The following GNAS-AS1 variants were observed in gnomAD, a reference collection of about 807,000 sequenced individuals.
The protein encoded by GNAS-AS1 is GNAS antisense RNA 1, also known as GNAS antisense RNA 1 (non-protein coding).
intron 2 of GNAS-AS1, chr20:58,843,209 C>G (rs1012961804): frequency 7.9e-6 from 1 of 126,926 alleles, no homozygotes; most frequent in Non-Finnish European, 1.6e-5. Flanking sequence ...CCGCTCAATT[C>G]TCCTCCCCCG....
intron 2 of GNAS-AS1, among the ~76,000 whole-genome samples, chr20:58,843,165 C>T (rs2145487502): frequency 6.6e-6 from 1 of 152,000 alleles, no homozygotes; most frequent in Admixed American, 6.5e-5. Context: ...TGTTACCTAC[C>T]GGCACACACT....
At chr20:58,842,257 C>T in intron 3 of GNAS-AS1, 1 of 398,336 alleles carries the variant, frequency 2.5e-6, no homozygotes, top group Non-Finnish European at 4.4e-6. Flanking sequence ...TTTAAAAAAT[C>T]TCATCCGACT....
intron 4 of GNAS-AS1, chr20:58,826,082 T>C: frequency 5.0e-6 from 2 of 398,670 alleles, no homozygotes; most frequent in Non-Finnish European, 4.4e-6. Context: ...TTCATGCAGA[T>C]AGTTCACCCA....
chr20:58,843,218 C>CA (rs2085811155), intron 2 of GNAS-AS1: 1 of 150,274 alleles, frequency 6.7e-6, no homozygotes, highest in African/African-American at 2.5e-5. Context: ...TCTCCTCCCC[C>CA]GCTCAATTCC....
At chr20:58,826,863 C>CTTTTTTTTTGTTTT (rs2085524157) in intron 4 of GNAS-AS1, 1 of 85,756 alleles carries the variant, frequency 1.2e-5, no homozygotes, top group Non-Finnish European at 2.2e-5. Flanking sequence ...CCATGCCTGG[C>CTTTTTTTTTGTTTT]TTTTTTTTTT....
In GNAS-AS1 at chr20:58,846,613, T is replaced by C. The variant is rs2085948812; in HGVS notation, n.413+2266A>G. On this transcript the variant is annotated intron_variant and non_coding_transcript_variant, in intron 2 of 4. Transcript: ENST00000424094. The stretch of plus-strand genomic sequence containing the variant: ...AGGTTGGTCTTCAAGGTCCCCACTC[T>C]CAAACTTGAGGGGTCCAAGGGGCAC... Among the ~76,000 whole-genome samples, 3 of 152,314 alleles carry C rather than the reference T, an allele frequency of 2.0e-5. No homozygotes were observed. In the South Asian group the frequency reaches 6.2e-4, roughly 32 times the overall value.
Position 58,840,671 on chromosome 20 carries a change from AG to A in GNAS-AS1, n.819+1265del. The A allele has an allele frequency of 1.2e-6, 2 of 1,604,794 alleles. No homozygotes were observed. Among genetic ancestry groups the A allele is most frequent in the Non-Finnish European group, 1.7e-6 (2 of 1,179,316 alleles). ...CAGCACTCAGGAGCCCCAGAGCCCC[AG>A]GGAAGGGGAGGAGCTCAAGCCCGAG... On this transcript the variant is annotated intron_variant and non_coding_transcript_variant, in intron 4 of 4. Transcript: ENST00000424094. The surrounding 1 kb of genome is among the most constrained non-coding windows in gnomAD (Gnocchi z 6.0).
intron 4 of GNAS-AS1, among the ~76,000 whole-genome samples, chr20:58,837,954 C>A (rs1397017274): frequency 6.6e-6 from 1 of 152,204 alleles, no homozygotes; most frequent in Non-Finnish European, 1.5e-5. Flanking sequence ...GGGTACCTGA[C>A]TGACTCTTCA....
At chr20:58,846,045 T>G (rs1197558737) in intron 2 of GNAS-AS1, among the ~76,000 whole-genome samples, 1 of 151,988 alleles carries the variant, frequency 6.6e-6, no homozygotes, top group Non-Finnish European at 1.5e-5. Flanking sequence ...AGAGGGTAAG[T>G]GGTGACAGTA....
chr20:58,831,614 G>A (rs755965004), intron 4 of GNAS-AS1, among the ~76,000 whole-genome samples: 1 of 152,040 alleles, frequency 6.6e-6, no homozygotes, highest in Non-Finnish European at 1.5e-5. Flanking sequence ...CTGGGCGATA[G>A]AGCGAGACTC....
chr20:58,838,398 C>T (rs749428899), intron 4 of GNAS-AS1, among the ~76,000 whole-genome samples: 3 of 152,286 alleles, frequency 2.0e-5, no homozygotes, highest in Non-Finnish European at 1.5e-5. Flanking sequence ...TAGCCCTGAT[C>T]CAATCATTTT....
chr20:58,837,249 G>C (rs2085609698), intron 4 of GNAS-AS1, among the ~76,000 whole-genome samples: 1 of 152,156 alleles, frequency 6.6e-6, no homozygotes, highest in South Asian at 2.1e-4. Context: ...GTGCTAATTA[G>C]AAGAAATAAA....
At chr20:58,842,957 C>G (rs979308409) in intron 2 of GNAS-AS1, among the ~76,000 whole-genome samples, 1 of 152,120 alleles carries the variant, frequency 6.6e-6, no homozygotes, top group Non-Finnish European at 1.5e-5. Context: ...TTTAAAAGCC[C>G]TCCGTGTCGA....
intron 4 of GNAS-AS1, among the ~76,000 whole-genome samples, chr20:58,823,152 T>G (rs1421534156): frequency 6.6e-6 from 1 of 152,150 alleles, no homozygotes; most frequent in Admixed American, 6.6e-5. Flanking sequence ...TGCCCCTCCA[T>G]CCTGCTGCCA....
intron 4 of GNAS-AS1, among the ~76,000 whole-genome samples, chr20:58,820,468 A>T (rs1433015055): frequency 1.3e-5 from 2 of 152,250 alleles, no homozygotes; most frequent in Admixed American, 6.5e-5. Flanking sequence ...CTATAGGCTG[A>T]GTCCCAAAGG....
intron 4 of GNAS-AS1, among the ~76,000 whole-genome samples, chr20:58,824,554 G>A (rs934336694): frequency 6.6e-6 from 1 of 152,106 alleles, no homozygotes; most frequent in Admixed American, 6.5e-5. Flanking sequence ...CTGACCCATG[G>A]AGGCAGTCCG....
chr20:58,840,895 C>A lies in GNAS-AS1; in HGVS notation n.819+1042G>T. The A allele has an allele frequency of 6.2e-7, 1 of 1,612,080 alleles. No individual in the cohort carries two copies. Among genetic ancestry groups the A allele is most frequent in the Non-Finnish European group, 8.5e-7 (1 of 1,179,586 alleles). The stretch of plus-strand genomic sequence containing the variant: ...TGTTTTCATGGATTCAGGTTAGTTG[C>A]CCACCGCTAAACTGGGGAGCCTGAG... On this transcript the variant is annotated intron_variant and non_coding_transcript_variant, in intron 4 of 4. Transcript: ENST00000424094. The surrounding 1 kb of genome is among the most constrained non-coding windows in gnomAD (Gnocchi z 6.0).
chr20:58,850,720 AG>A (rs1466744632), exon 1 of GNAS-AS1: 1 of 398,646 alleles, frequency 2.5e-6, no homozygotes, highest in African/African-American at 2.1e-5. Flanking sequence ...AACACACCCA[AG>A]GGTTGGCCCC....
chr20:58,838,831 C>G (rs1049637792), intron 4 of GNAS-AS1: 5 of 389,220 alleles, frequency 1.3e-5, no homozygotes, highest in African/African-American at 2.2e-5. Context: ...GTAGGAGAAT[C>G]TCTTGAAGCC....
Sources: allele counts gnomAD v4.1 joint callset (sites outside exome capture counted in the v4.1 genomes callset), GRCh38; gene constraint gnomAD v4.1.1; non-coding constraint Gnocchi (gnomAD v3.1); transcripts MANE v1.5; gene names NCBI Gene and HGNC (gene_info 2026-07-23, HGNC 2026-07-21).